PCDHA6: variants seen among roughly 807,000 people sequenced by gnomAD.
The protein encoded by PCDHA6 is protocadherin alpha 6.
A neutral mutation model predicts 60.3 loss-of-function variants in PCDHA6; 55 were observed. The ratio of observed to expected loss-of-function variants is 0.91; its 90% CI spans 0.73 to 1.14. The LOEUF (loss-of-function observed/expected upper bound fraction) is 1.14, where lower values mean the gene tolerates loss of function less well. PCDHA6 is among the 50% of genes most tolerant of loss of function. PCDHA6 has a pLI of 0.00. For synonymous variants in PCDHA6, 652 were observed against 557.9 expected (o/e 1.17, Z -2.38); for missense variants, 1,327 against 1,256.5 (o/e 1.06, Z -0.85).
intron 1 of PCDHA6, chr5:140,929,247 T>G (rs2085977234): frequency 1.9e-6 from 3 of 1,613,780 alleles, no homozygotes. Flanking sequence ...ATCTTGCCAC[T>G]GGGGTAGGAC....
intron 3 of PCDHA6, among the ~76,000 whole-genome samples, chr5:140,992,128 G>GACTGATGAT (rs2097493639): frequency 6.6e-6 from 1 of 151,816 alleles, no homozygotes; most frequent in Non-Finnish European, 1.5e-5. Context: ...GAAGAACAGT[G>GACTGATGAT]ACTGATGATG....
intron 1 of PCDHA6, among the ~76,000 whole-genome samples, chr5:140,939,634 G>C (rs1032922800): frequency 3.9e-5 from 6 of 152,066 alleles, no homozygotes; most frequent in African/African-American, 7.2e-5. Context: ...AATCAATAAG[G>C]GTACTGAAAA....
intron 1 of PCDHA6, chr5:140,884,047 G>A: frequency 1.9e-6 from 3 of 1,613,390 alleles, no homozygotes; most frequent in East Asian, 2.2e-5. Flanking sequence ...TGGTGGCGAA[G>A]GTGCGCGCGG....
At chr5:140,985,083 G>A (rs782261438) in intron 3 of PCDHA6, among the ~76,000 whole-genome samples, 5 of 152,158 alleles carry the variant, frequency 3.3e-5, no homozygotes, top group East Asian at 1.9e-4. Context: ...GACTACAGGC[G>A]TGTGCCACCA....
At chr5:140,933,265 A>G (rs2088994304) in intron 1 of PCDHA6, among the ~76,000 whole-genome samples, 1 of 152,000 alleles carries the variant, frequency 6.6e-6, no homozygotes, top group East Asian at 1.9e-4. Context: ...AGGTTATTAT[A>G]TATTCATTTG....
intron 1 of PCDHA6, chr5:140,862,804 C>A: frequency 5.2e-6 from 3 of 574,138 alleles, no homozygotes; most frequent in Non-Finnish European, 6.7e-6. Context: ...GCTGGAGCTG[C>A]TGCAGTTCTA....
At chr5:141,002,331 C>T (rs550513057) in intron 3 of PCDHA6, among the ~76,000 whole-genome samples, 1 of 152,372 alleles carries the variant, frequency 6.6e-6, no homozygotes, top group South Asian at 2.1e-4. Context: ...CGGGCTGCAT[C>T]CGCACCCCTT....
chr5:140,973,653 A>G (rs2096597249), intron 1 of PCDHA6, among the ~76,000 whole-genome samples: 1 of 152,202 alleles, frequency 6.6e-6, no homozygotes, highest in African/African-American at 2.4e-5. Context: ...TGAAGAAGAA[A>G]TCTATTTATT....
intron 1 of PCDHA6, chr5:140,835,779 G>A (rs1195624528): frequency 1.2e-6 from 2 of 1,613,242 alleles, no homozygotes; most frequent in African/African-American, 1.3e-5. Context: ...GTTCGTGAAG[G>A]AGAACAACCC....
intron 1 of PCDHA6, chr5:140,834,565 C>G (rs2150221167): frequency 2.5e-6 from 4 of 1,613,968 alleles, no homozygotes; most frequent in Admixed American, 3.3e-5. Context: ...GAGCTGGTGC[C>G]GCGCCTGTTC....
chr5:140,990,535 A>T (rs1450949471), intron 3 of PCDHA6, among the ~76,000 whole-genome samples: 1 of 152,182 alleles, frequency 6.6e-6, no homozygotes, highest in African/African-American at 2.4e-5. Context: ...ACTGTGCATC[A>T]TAGATACTGT....
chr5:140,891,409 C>A (rs1295005747), intron 1 of PCDHA6, among the ~76,000 whole-genome samples: 1 of 148,202 alleles, frequency 6.7e-6, no homozygotes. Flanking sequence ...CGCCACCCCC[C>A]ACTCTTGCCC....
chr5:140,927,317 G>A lies in PCDHA6; in HGVS notation c.2395-51632G>A, dbSNP rs782172424. ...CCCGAGTTCCTGACGCCCGGAGCCCGCTTTACTCTCCCGAATGCCCAAGAT... is the reference window on the plus strand; with the variant it reads ...CCCGAGTTCCTGACGCCCGGAGCCCACTTTACTCTCCCGAATGCCCAAGAT... On this transcript the variant is annotated intron_variant, in intron 1 of 3. Coordinates refer to ENST00000529310, the MANE Select transcript of PCDHA6 (RefSeq NM_018909.4). 3.2e-5 allele frequency: 52 copies of A among 1,614,146 alleles called. 1 individual carries two copies. The South Asian group carries it at 5.2e-4, about 16-fold the overall frequency.
chr5:140,908,270 G>A (rs1554193271), intron 1 of PCDHA6, among the ~76,000 whole-genome samples: 1 of 152,154 alleles, frequency 6.6e-6, no homozygotes, highest in African/African-American at 2.4e-5. Context: ...AACTCCCCAT[G>A]AGGCCATTGT....
In PCDHA6 at chr5:140,852,588, T is replaced by TTA. The variant is rs1554145946; in HGVS notation, c.2394+22104_2394+22105insAT. On this transcript the variant is annotated intron_variant, in intron 1 of 3. Coordinates refer to ENST00000529310, the MANE Select transcript of PCDHA6 (RefSeq NM_018909.4). ...ACTGTGCCAAGGCTTTTTTATTTTTTTTTTTTGTCATTTTCTTTCAAAACT... is the reference window on the plus strand; with the variant it reads ...ACTGTGCCAAGGCTTTTTTATTTTTTTATTTTTTGTCATTTTCTTTCAAAACT... 1.7e-5 allele frequency: 15 copies of TTA among 881,508 alleles called. 1 individual carries two copies. The highest frequency in any genetic ancestry group is 1.9e-5 in the Non-Finnish European group (14 of 723,686). The allele number at this position is 881,508 out of a possible 1,614,324, so 54.6% of individuals were successfully genotyped here. A position where few individuals can be genotyped will look rare whatever the true frequency, so the allele number is the denominator to read the frequency against.
chr5:140,877,184 G>C (rs1554169429), intron 1 of PCDHA6: 1 of 1,613,842 alleles, frequency 6.2e-7, no homozygotes. Context: ...ACTCCGGCTG[G>C]CAGCGCAGGA....
intron 1 of PCDHA6, chr5:140,869,974 T>G: frequency 6.2e-7 from 1 of 1,613,252 alleles, no homozygotes; most frequent in Non-Finnish European, 8.5e-7. Context: ...TGGAAGACAC[T>G]TATTTACACT....
intron 3 of PCDHA6, among the ~76,000 whole-genome samples, chr5:140,994,709 A>C (rs1436733940): frequency 6.6e-6 from 1 of 152,166 alleles, no homozygotes; most frequent in Non-Finnish European, 1.5e-5. Flanking sequence ...TGTCTCAAAA[A>C]AAAATTTAAA....
chr5:140,857,427 C>G lies in PCDHA6; in HGVS notation c.2394+26942C>G, dbSNP rs781871079. On this transcript the variant is annotated intron_variant, in intron 1 of 3. Coordinates refer to ENST00000529310, the MANE Select transcript of PCDHA6 (RefSeq NM_018909.4). The stretch of plus-strand genomic sequence containing the variant: ...CCTGCGTTCGCGCAGTCCGAGTACA[C>G]GGTGTTCGTGAAGGAGAACAACCCG... 49 of 1,598,334 alleles carry G rather than the reference C, an allele frequency of 3.1e-5. 4 individuals carry two copies. The highest frequency in any genetic ancestry group is 3.9e-5 in the Non-Finnish European group (46 of 1,167,894).
Sources: gnomAD v4.1 joint callset for allele counts (sites outside exome capture counted in the v4.1 genomes callset) on GRCh38, gnomAD v4.1.1 for gene constraint, MANE v1.5 for transcripts, NCBI Gene and HGNC (gene_info 2026-07-23, HGNC 2026-07-21) for gene names.